CAMTA1: variants seen among roughly 807,000 people sequenced by gnomAD.
CAMTA1 encodes the protein calmodulin-binding transcription activator 1.
A neutral mutation model predicts 170.9 loss-of-function variants in CAMTA1; 27 were observed. The ratio of observed to expected loss-of-function variants is 0.16; its 90% CI spans 0.12 to 0.22. The LOEUF is 0.22. Among genes scored for constraint, CAMTA1 ranks in the 10% least tolerant of loss-of-function variants. The pLI, the probability that CAMTA1 is intolerant of heterozygous loss-of-function variation, is 1.00. For synonymous variants in CAMTA1, 833 were observed against 891.5 expected, an observed-to-expected ratio of 0.93 and a Z score of 1.17; for missense variants, 1,619 against 2,217.2, an observed-to-expected ratio of 0.73 and a Z score of 5.42.
chr1:7,049,351 A>C (rs1320511684), intron 3 of CAMTA1, among the ~76,000 whole-genome samples: 1 of 151,626 alleles, frequency 6.6e-6, no homozygotes, highest in African/African-American at 2.4e-5. Flanking sequence ...CCTGTCTCCC[A>C]CCTTCACGTA....
In CAMTA1 at chr1:7,744,947, C is replaced by G; in HGVS notation, c.4295C>G (p.Thr1432Ser). 6.2e-7 allele frequency: 1 copy of G among 1,614,154 alleles called. No homozygotes were observed. Among genetic ancestry groups the G allele is most frequent in the Non-Finnish European group, 8.5e-7 (1 of 1,180,032 alleles). ...SSGLERTDPA[T>S]ISSTMSWLAS... ...GGATTGGAAAGAACAGACCCTGCCACCATTAGCAGTACAATGAGCTGGCTG... is the reference window on the plus strand; with the variant it reads ...GGATTGGAAAGAACAGACCCTGCCAGCATTAGCAGTACAATGAGCTGGCTG... Residue 1432 changes from threonine (T) to serine (S), a missense_variant, in exon 17 of 23, where the codon ACC becomes AGC. Around this residue, in one of 8 missense-constraint regions of CAMTA1, gnomAD observed 370 missense variants for 429.4 expected, o/e 0.86. Transcript: ENST00000303635.
chr1:7,537,203 G>A (rs983435337), intron 6 of CAMTA1, among the ~76,000 whole-genome samples: 7 of 152,224 alleles, frequency 4.6e-5, no homozygotes, highest in African/African-American at 1.7e-4. Context: ...TTTATGGGGC[G>A]AAGCATGATT....
At chr1:7,573,443 C>T (rs559152817) in intron 6 of CAMTA1, among the ~76,000 whole-genome samples, 1 of 152,224 alleles carries the variant, frequency 6.6e-6, no homozygotes, top group African/African-American at 2.4e-5. Context: ...ATGAAGGGAA[C>T]AGTGGTCCCT....
chr1:7,664,051 G>C lies in CAMTA1; in HGVS notation c.1504G>C (p.Gly502Arg). 6.2e-7 allele frequency: 1 copy of C among 1,613,844 alleles called. No individual in the cohort carries two copies. Among genetic ancestry groups the C allele is most frequent in the South Asian group, 1.1e-5 (1 of 91,084 alleles). Reference sequence around the variant, plus strand: ...GCAGGGCCAGACGTACGGGGGTGGAGGCCTGAAAGCCGAGATGGTCAGCTC... The same window carrying C: ...GCAGGGCCAGACGTACGGGGGTGGACGCCTGAAAGCCGAGATGGTCAGCTC... ...PKQGQTYGGGGLKAEMVSSNI... is the reference protein window; with the variant it reads ...PKQGQTYGGGRLKAEMVSSNI... The change falls in exon 9 of 23, where the codon GGC (glycine) becomes CGC (arginine). Residue 502 changes from glycine (G) to arginine (R), a missense_variant. Physicochemically the swap from Gly to Arg is moderately radical, Grantham distance 125. Transcript: ENST00000303635.
At chr1:7,310,679 T>C (rs1676483224) in intron 5 of CAMTA1, among the ~76,000 whole-genome samples, 1 of 18,882 alleles carries the variant, frequency 5.3e-5, no homozygotes, top group Non-Finnish European at 1.0e-4. Flanking sequence ...TTCCTTTCTT[T>C]CTCTCTCTCT....
chr1:7,224,552 C>T lies in CAMTA1; in HGVS notation c.303-24939C>T, dbSNP rs549130739. On this transcript the variant is annotated intron_variant, in intron 4 of 22. Transcript: ENST00000303635. The surrounding 1 kb of genome is among the most constrained non-coding windows in gnomAD (Gnocchi z 5.2). ...TTATTTTTCAGGAATCTGCTGTGTACGGGTTTTATTTTTAAATGTCATCAT... is the reference window on the plus strand; with the variant it reads ...TTATTTTTCAGGAATCTGCTGTGTATGGGTTTTATTTTTAAATGTCATCAT... Among the ~76,000 whole-genome samples the T allele has an allele frequency of 2.3e-4, 35 of 152,204 alleles. No individual in the cohort carries two copies. Among genetic ancestry groups the T allele is most frequent in the Non-Finnish European group, 3.7e-4 (25 of 68,008 alleles).
chr1:6,815,268 T>C (rs932275213), intron 1 of CAMTA1, among the ~76,000 whole-genome samples: 1 of 151,896 alleles, frequency 6.6e-6, no homozygotes, highest in Non-Finnish European at 1.5e-5. Context: ...GCAGTAGTGC[T>C]GTCATGGCTC....
At chr1:7,035,796 C>T (rs1028521614) in intron 3 of CAMTA1, among the ~76,000 whole-genome samples, 3 of 152,116 alleles carry the variant, frequency 2.0e-5, no homozygotes, top group East Asian at 1.9e-4. Flanking sequence ...GTGTTAACAA[C>T]GTTTACACTA....
intron 5 of CAMTA1, among the ~76,000 whole-genome samples, chr1:7,270,289 A>ATTTTTTTTTT (rs1395986038): frequency 3.5e-5 from 4 of 112,776 alleles, no homozygotes; most frequent in African/African-American, 1.5e-4. Flanking sequence ...ATATATATAT[A>ATTTTTTTTTT]TATTTTTTTT....
chr1:7,498,185 A>AGAGT (rs147778762), intron 6 of CAMTA1, among the ~76,000 whole-genome samples: 64,232 of 140,724 alleles, frequency 0.46, 13,916 homozygotes, highest in Middle Eastern at 0.56. Context: ...TGTGTGTATG[A>AGAGT]GAGTGAGTGT....
At chr1:7,233,483 C>A (rs1191114784) in intron 4 of CAMTA1, among the ~76,000 whole-genome samples, 3 of 152,222 alleles carry the variant, frequency 2.0e-5, no homozygotes, top group African/African-American at 7.2e-5. Flanking sequence ...CTTAAACCCC[C>A]TTTTCTTTGG....
In CAMTA1 at chr1:7,417,134, G is replaced by A. The variant is rs2091236079; in HGVS notation, c.439-50696G>A. ...ATGCTGCTGCCTGATCGTTCCTCTG[G>A]AAGTTTTGTCTCAGAGGAGTACCCG... On this transcript the variant is annotated intron_variant, in intron 5 of 22. Transcript: ENST00000303635. Among the ~76,000 whole-genome samples, 4 of 152,250 alleles carry A rather than the reference G, an allele frequency of 2.6e-5. No homozygotes were observed. The South Asian group carries it at 8.3e-4, about 31-fold the overall frequency.
In CAMTA1 at chr1:7,592,881, C is replaced by T. The variant is rs2095366042; in HGVS notation, c.511-47519C>T. ...TTAGGGCGGGATCAGGCATCATGACCTCATGAAATGCAATATTGCATTAAA... is the reference window on the plus strand; with the variant it reads ...TTAGGGCGGGATCAGGCATCATGACTTCATGAAATGCAATATTGCATTAAA... On this transcript the variant is annotated intron_variant, in intron 6 of 22. Coordinates refer to ENST00000303635, the MANE Select transcript of CAMTA1 (RefSeq NM_015215.4). The surrounding 1 kb of genome is among the most constrained non-coding windows in gnomAD (Gnocchi z 4.6). 6.6e-6 allele frequency among the ~76,000 whole-genome samples: 1 copy of T among 152,160 alleles called. No homozygotes were observed.
intron 5 of CAMTA1, among the ~76,000 whole-genome samples, chr1:7,461,972 G>A (rs1213879592): frequency 2.0e-5 from 3 of 152,230 alleles, no homozygotes; most frequent in African/African-American, 7.2e-5. Flanking sequence ...GGGCGCACAG[G>A]AAATCACACA....
At chr1:6,814,516 A>G (rs1645556238) in intron 1 of CAMTA1, among the ~76,000 whole-genome samples, 1 of 152,208 alleles carries the variant, frequency 6.6e-6, no homozygotes, top group Admixed American at 6.5e-5. Context: ...TAGAAGGAGC[A>G]CAGGCAGCAG....
At chr1:7,103,897 C>G (rs1350747912) in intron 4 of CAMTA1, among the ~76,000 whole-genome samples, 1 of 148,106 alleles carries the variant, frequency 6.8e-6, no homozygotes, top group Non-Finnish European at 1.5e-5. Flanking sequence ...ACACACAACA[C>G]ACAACTACAC....
intron 3 of CAMTA1, among the ~76,000 whole-genome samples, chr1:6,941,604 T>C (rs1686642115): frequency 6.6e-6 from 1 of 152,172 alleles, no homozygotes; most frequent in Non-Finnish European, 1.5e-5. Flanking sequence ...GTTAGCGCCG[T>C]GGGCAATTGG....
At chr1:7,343,223 C>T (rs560825281) in intron 5 of CAMTA1, among the ~76,000 whole-genome samples, 170 of 152,312 alleles carry the variant, frequency 1.1e-3, no homozygotes, top group South Asian at 2.9e-3. Flanking sequence ...ACACAGGGCT[C>T]AGCGACTCCG....
At chr1:7,109,596 C>A (rs1169894631) in intron 4 of CAMTA1, among the ~76,000 whole-genome samples, 1 of 152,214 alleles carries the variant, frequency 6.6e-6, no homozygotes, top group Non-Finnish European at 1.5e-5. Flanking sequence ...TTCAGACAGA[C>A]ACGACTCATT....
Sources: allele counts gnomAD v4.1 joint callset (sites outside exome capture counted in the v4.1 genomes callset), GRCh38; gene constraint gnomAD v4.1.1; regional missense constraint gnomAD v4.1.1; non-coding constraint Gnocchi (gnomAD v3.1); transcripts MANE v1.5; gene names NCBI Gene and HGNC (gene_info 2026-07-23, HGNC 2026-07-21).